Variants in BBS2 observed in about 807,000 individuals in gnomAD.
BBS2 encodes the protein BBSome complex member BBS2.
A neutral mutation model predicts 83.0 loss-of-function variants in BBS2; 62 were observed. The ratio of observed to expected loss-of-function variants is 0.75; its 90% CI spans 0.61 to 0.92. BBS2 has a LOEUF of 0.92. Among genes scored for constraint, BBS2 ranks in the 40% least tolerant of loss-of-function variants. BBS2 has a pLI of 0.00. For missense variants in BBS2, 784 were observed against 901.0 expected (o/e 0.87, Z 1.66); for synonymous variants, 303 against 326.1 (o/e 0.93, Z 0.76).
At chr16:56,502,622 C>A (rs2144149822) in intron 8 of BBS2, 51 bp downstream of exon 8, 1 of 1,613,606 alleles carries the variant, frequency 6.2e-7, no homozygotes, top group Non-Finnish European at 8.5e-7. Flanking sequence ...TATTTTGACC[C>A]AATCAAATGG....
intron 16 of BBS2, 151 bp downstream of exon 16, chr16:56,485,439 A>T: frequency 9.2e-7 from 1 of 1,088,956 alleles, no homozygotes. Context: ...AGGCCGACTG[A>T]CTGAAACATA....
At position 56,485,703 on chromosome 16, in the gene BBS2, T is replaced by C; in HGVS notation, c.1946A>G (p.Asp649Gly). ...TMKSRYMELYDLNRDLLNGYK... is the reference protein window; with the variant it reads ...TMKSRYMELYGLNRDLLNGYK... ...TCCATTTAGCAAGTCTCTATTAAGG[T>C]CATAGAGTTCCATATAACGACTCTT... The change falls in exon 16 of 17, where the codon GAC becomes GGC. Residue 649 changes from aspartate (D) to glycine (G), a missense_variant. By Grantham distance (94) the Asp-to-Gly change is moderately conservative. Transcript: ENST00000245157. 6.2e-7 allele frequency: 1 copy of C among 1,613,896 alleles called. No homozygotes were observed. The highest frequency in any genetic ancestry group is 8.5e-7 in the Non-Finnish European group (1 of 1,179,788).
intron 9 of BBS2, 85 bp downstream of exon 9, chr16:56,502,232 C>G (rs1964295631): frequency 2.5e-6 from 4 of 1,578,996 alleles, no homozygotes; most frequent in Non-Finnish European, 3.5e-6. Flanking sequence ...CAATGACACT[C>G]TCATTCTTCC....
intron 1 of BBS2, among the ~76,000 whole-genome samples, chr16:56,515,436 C>G (rs759274869): frequency 7.2e-5 from 11 of 151,980 alleles, no homozygotes; most frequent in Non-Finnish European, 1.6e-4. Flanking sequence ...CGCAGGACCA[C>G]AGTACAAAAA....
intron 15 of BBS2, among the ~76,000 whole-genome samples, chr16:56,486,139 T>A (rs1469347826): frequency 2.6e-5 from 4 of 152,142 alleles, no homozygotes; most frequent in African/African-American, 9.7e-5. Flanking sequence ...AGTCATAAAA[T>A]TAAAACAGAA....
In BBS2 at chr16:56,519,774, C is replaced by T. The variant is rs760778734; in HGVS notation, c.89G>A (p.Cys30Tyr). 1 of 1,613,562 alleles carries T rather than the reference C, an allele frequency of 6.2e-7. No individual in the cohort carries two copies. The highest frequency in any genetic ancestry group is 1.1e-5 in the South Asian group (1 of 91,052). Residue 30 changes from cysteine (C) to tyrosine (Y), a missense_variant, in exon 1 of 17, where the codon TGC becomes TAC. Cys to Tyr is a radical substitution (Grantham distance 194). Transcript: ENST00000245157. ...AIGRYDGTHP[C>Y]LAAATQTGKV... ...GCCCGTTTGGGTGGCGGCCGCCAGG[C>T]ACGGGTGAGTCCCGTCGTAGCGCCC...
chr16:56,475,457 G>A lies in BBS2; in HGVS notation c.*1-4762C>T, dbSNP rs532819673. 9 of 1,539,812 alleles carry A rather than the reference G, an allele frequency of 5.8e-6. No homozygotes were observed. The South Asian group carries it at 6.7e-5, about 11-fold the overall frequency. On this transcript the variant is annotated intron_variant, in intron 17 of 17. Coordinates refer to the BBS2 transcript ENST00000682047. ...GATCAGTGATTTAAGTAGATGGTGC[G>A]ACTCTTTCAATAGGAGCTTTCTGAA...
intron 5 of BBS2, among the ~76,000 whole-genome samples, chr16:56,508,643 T>C (rs1964492287): frequency 7.2e-6 from 1 of 139,638 alleles, no homozygotes; most frequent in African/African-American, 2.7e-5. Flanking sequence ...CACTGTTACT[T>C]CTTAAAAATT....
chr16:56,491,858 C>T (rs1175581873), intron 15 of BBS2, among the ~76,000 whole-genome samples: 2 of 151,164 alleles, frequency 1.3e-5, no homozygotes, highest in African/African-American at 2.4e-5. Flanking sequence ...CACTAGTCAT[C>T]AGGGAAATGC....
intron 17 of BBS2, chr16:56,474,708 A>G (rs1364239949): frequency 1.4e-6 from 1 of 707,470 alleles, no homozygotes; most frequent in Non-Finnish European, 2.3e-6. Flanking sequence ...ACTTCAATCA[A>G]AGGTTTGTGG....
chr16:56,499,069 G>GT (rs1165146361), intron 12 of BBS2: 22 of 224,168 alleles, frequency 9.8e-5, no homozygotes, highest in Admixed American at 3.2e-4. Context: ...GTTAATAGCA[G>GT]TAACACCATG....
Position 56,520,011 on chromosome 16 carries a change from T to C in BBS2, c.-149A>G. ...CGCGAAACAGCCCGGGACGAACCCG[T>C]CCAGGTACCGCCTGCTCCTCCTGCG... On this transcript the variant is annotated 5_prime_UTR_variant, in exon 1 of 17. Coordinates refer to ENST00000245157, the MANE Select transcript of BBS2 (RefSeq NM_031885.5). 1 of 703,492 alleles carries C rather than the reference T, an allele frequency of 1.4e-6. No homozygotes were observed. Among genetic ancestry groups the C allele is most frequent in the Non-Finnish European group, 2.6e-6 (1 of 391,540 alleles). 43.6% of individuals were successfully genotyped at this position (703,492 alleles called of 1,614,324 possible).
intron 13 of BBS2, among the ~76,000 whole-genome samples, chr16:56,498,217 CCA>C (rs1964166021): frequency 1.3e-5 from 2 of 151,980 alleles, no homozygotes; most frequent in Non-Finnish European, 2.9e-5. Context: ...AAATTATACC[CCA>C]GTGTCTAAAA....
chr16:56,519,865 TGGC>T lies in BBS2; in HGVS notation c.-6_-4del. 1.2e-6 allele frequency: 2 copies of T among 1,612,498 alleles called. No homozygotes were observed. Among genetic ancestry groups the T allele is most frequent in the Non-Finnish European group, 1.7e-6 (2 of 1,178,670 alleles). The stretch of plus-strand genomic sequence containing the variant: ...AGGGTGAACACAGGCAGCAGCATGA[TGGC>T]GGCGGCTTAGGGGAGGAGGGCTGGA... On this transcript the variant is annotated 5_prime_UTR_variant, in exon 1 of 17. Coordinates refer to ENST00000245157, the MANE Select transcript of BBS2 (RefSeq NM_031885.5).
At chr16:56,499,434 G>A (rs761382483) in intron 12 of BBS2, 48 of 327,566 alleles carry the variant, frequency 1.5e-4, no homozygotes, top group Middle Eastern at 1.1e-3. Flanking sequence ...AGCCAAAAAC[G>A]TTCTTAGCTC....
intron 12 of BBS2, 24 bp downstream of exon 12, chr16:56,499,754 G>A (rs1964208069): frequency 6.2e-7 from 1 of 1,613,670 alleles, no homozygotes; most frequent in African/African-American, 1.3e-5. Flanking sequence ...TAAAAGCATT[G>A]AAAGAGAAAA....
chr16:56,496,924 CATTTTTA>C, intron 15 of BBS2, 36 bp downstream of exon 15: 1 of 1,395,752 alleles, frequency 7.2e-7, no homozygotes, highest in African/African-American at 1.4e-5. Flanking sequence ...ATACTGCTCA[CATTTTTA>C]ACCCTGCACC....
chr16:56,488,490 T>C (rs781390055), intron 15 of BBS2, among the ~76,000 whole-genome samples: 35 of 152,160 alleles, frequency 2.3e-4, no homozygotes, highest in Non-Finnish European at 4.0e-4. Flanking sequence ...ATAAAGGATA[T>C]TACAAAGGAT....
intron 17 of BBS2, among the ~76,000 whole-genome samples, chr16:56,472,118 C>T (rs1437230806): frequency 1.3e-5 from 2 of 152,040 alleles, no homozygotes; most frequent in Non-Finnish European, 2.9e-5. Flanking sequence ...TATGCCACCA[C>T]ACCCAACTAA....
Sources: allele counts gnomAD v4.1 joint callset (sites outside exome capture counted in the v4.1 genomes callset), GRCh38; gene constraint gnomAD v4.1.1; transcripts MANE v1.5; gene names NCBI Gene and HGNC (gene_info 2026-07-23, HGNC 2026-07-21).